The following CABCOCO1 variants were observed in gnomAD, a reference collection of about 807,000 sequenced individuals.
CABCOCO1 encodes the protein ciliary-associated calcium-binding coiled-coil protein 1.
CABCOCO1 carries 28 observed loss-of-function variants against 35.7 expected under a neutral mutation model. The ratio of observed to expected loss-of-function variants is 0.78; its 90% CI spans 0.58 to 1.07. The LOEUF (loss-of-function observed/expected upper bound fraction) is 1.07. CABCOCO1 is among the 50% of genes least tolerant of loss of function. The pLI is 0.00. For synonymous variants in CABCOCO1, 95 were observed against 100.1 expected (o/e 0.95, Z 0.30); for missense variants, 326 against 309.2 (o/e 1.05, Z -0.41).
At chr10:61,675,107 AATAG>A (rs1424215056) in intron 2 of CABCOCO1, among the ~76,000 whole-genome samples, 1 of 152,180 alleles carries the variant, frequency 6.6e-6, no homozygotes, top group African/African-American at 2.4e-5. Context: ...GGTGAGACAA[AATAG>A]ATAGGTATAT....
At chr10:61,743,637 C>A (rs1045566563) in intron 5 of CABCOCO1, among the ~76,000 whole-genome samples, 7 of 152,098 alleles carry the variant, frequency 4.6e-5, no homozygotes, top group African/African-American at 1.7e-4. Flanking sequence ...TGAACCCAGG[C>A]CTGTTTGACC....
chr10:61,680,611 G>T (rs1382209519), intron 2 of CABCOCO1, among the ~76,000 whole-genome samples: 2 of 14,926 alleles, frequency 1.3e-4, no homozygotes, highest in Admixed American at 1.1e-3. Context: ...TGTATAACAT[G>T]TTATACATAA....
At chr10:61,709,650 A>AATG (rs1226083191) in intron 5 of CABCOCO1, among the ~76,000 whole-genome samples, 11 of 151,074 alleles carry the variant, frequency 7.3e-5, no homozygotes, top group African/African-American at 2.7e-4. Flanking sequence ...TTTTAAAGTC[A>AATG]TTTAAATCGC....
intron 5 of CABCOCO1, among the ~76,000 whole-genome samples, chr10:61,739,411 T>A (rs2132065079): frequency 1.3e-5 from 2 of 152,366 alleles, no homozygotes; most frequent in African/African-American, 4.8e-5. Context: ...GTTCATTTTT[T>A]AAATTCTATC....
chr10:61,670,997 A>T (rs1364785144), intron 1 of CABCOCO1, among the ~76,000 whole-genome samples: 2 of 152,202 alleles, frequency 1.3e-5, no homozygotes, highest in Non-Finnish European at 2.9e-5. Context: ...CTCTTTAAAA[A>T]CTAGCATAGT....
At chr10:61,665,886 C>CAAA (rs72066420) in intron 1 of CABCOCO1, among the ~76,000 whole-genome samples, 179 of 98,324 alleles carry the variant, frequency 1.8e-3, no homozygotes, top group African/African-American at 6.3e-3. Context: ...GACTCCGTCT[C>CAAA]AAAAAAAAAA....
At chr10:61,667,077 AT>A (rs1166123399) in intron 1 of CABCOCO1, among the ~76,000 whole-genome samples, 12 of 143,020 alleles carry the variant, frequency 8.4e-5, no homozygotes, top group Non-Finnish European at 6.1e-5. Flanking sequence ...ATAAGTATAT[AT>A]TATATATAAA....
intron 2 of CABCOCO1, among the ~76,000 whole-genome samples, chr10:61,678,817 C>A (rs966214770): frequency 3.9e-5 from 6 of 152,054 alleles, no homozygotes; most frequent in Non-Finnish European, 8.8e-5. Flanking sequence ...ATTATTGAGA[C>A]ATACCATATA....
chr10:61,684,415 G>A (rs1407018923), intron 3 of CABCOCO1, among the ~76,000 whole-genome samples: 1 of 152,082 alleles, frequency 6.6e-6, no homozygotes, highest in Admixed American at 6.5e-5. Context: ...TTGGTATTTA[G>A]GGTAGAGCAC....
intron 5 of CABCOCO1, among the ~76,000 whole-genome samples, chr10:61,691,870 C>T (rs907146665): frequency 6.6e-6 from 1 of 152,152 alleles, no homozygotes; most frequent in Non-Finnish European, 1.5e-5. Context: ...ATATGTGCCA[C>T]ATTTTCTTTA....
chr10:61,671,632 A>G (rs145696669), intron 1 of CABCOCO1, among the ~76,000 whole-genome samples: 1 of 152,284 alleles, frequency 6.6e-6, no homozygotes, highest in East Asian at 1.9e-4. Context: ...TAACATGACT[A>G]CATTCACCAC....
At chr10:61,747,252 G>A (rs184091466) in intron 5 of CABCOCO1, among the ~76,000 whole-genome samples, 1 of 152,160 alleles carries the variant, frequency 6.6e-6, no homozygotes, top group Non-Finnish European at 1.5e-5. Context: ...TAAAGAATTG[G>A]TGTGGTAATA....
intron 5 of CABCOCO1, among the ~76,000 whole-genome samples, chr10:61,721,846 C>T (rs1247588298): frequency 6.6e-6 from 1 of 152,106 alleles, no homozygotes; most frequent in Admixed American, 6.5e-5. Flanking sequence ...GGAATCAACA[C>T]CTGTGAAGAG....
intron 5 of CABCOCO1, among the ~76,000 whole-genome samples, chr10:61,735,709 T>C (rs935693119): frequency 6.6e-6 from 1 of 152,174 alleles, no homozygotes; most frequent in Non-Finnish European, 1.5e-5. Flanking sequence ...TGATGAGAGT[T>C]GGAGAAGAGA....
At chr10:61,765,148 A>G (rs1842081287) in intron 7 of CABCOCO1, among the ~76,000 whole-genome samples, 1 of 152,174 alleles carries the variant, frequency 6.6e-6, no homozygotes. Flanking sequence ...TTTAAAAATC[A>G]CCTAAACAAC....
intron 1 of CABCOCO1, among the ~76,000 whole-genome samples, chr10:61,666,251 T>C (rs771988413): frequency 6.6e-6 from 1 of 152,202 alleles, no homozygotes; most frequent in Non-Finnish European, 1.5e-5. Context: ...CGGGGCTCAA[T>C]TGAGCAGCAA....
At chr10:61,711,917 A>G (rs1317743510) in intron 5 of CABCOCO1, among the ~76,000 whole-genome samples, 3 of 151,966 alleles carry the variant, frequency 2.0e-5, no homozygotes, top group Non-Finnish European at 4.4e-5. Context: ...GAAAGCACCA[A>G]ATACCAAAAT....
intron 5 of CABCOCO1, among the ~76,000 whole-genome samples, chr10:61,733,970 G>A (rs1185875886): frequency 2.6e-5 from 4 of 151,882 alleles, no homozygotes; most frequent in African/African-American, 2.4e-5. Context: ...AACAACAAAA[G>A]TTTAGACTAT....
intron 5 of CABCOCO1, among the ~76,000 whole-genome samples, chr10:61,717,710 C>T (rs898204340): frequency 6.6e-6 from 1 of 151,938 alleles, no homozygotes; most frequent in Non-Finnish European, 1.5e-5. Context: ...GTTTAAAACA[C>T]AAGATAGAGG....
Sources: gnomAD v4.1 joint callset for allele counts (sites outside exome capture counted in the v4.1 genomes callset) on GRCh38, gnomAD v4.1.1 for gene constraint, MANE v1.5 for transcripts, NCBI Gene and HGNC (gene_info 2026-07-23, HGNC 2026-07-21) for gene names.